AAK1: variants seen among roughly 807,000 people sequenced by gnomAD.
AAK1 encodes the protein AP2-associated protein kinase 1.
A neutral mutation model predicts 116.0 loss-of-function variants in AAK1; 37 were observed. The observed-to-expected ratio is 0.32, with a 90% confidence interval of 0.25 to 0.42. AAK1 has a LOEUF of 0.42. Among genes scored for constraint, AAK1 ranks in the 10% least tolerant of loss-of-function variants. The pLI is 1.00. For synonymous variants in AAK1, 458 were observed against 439.9 expected, an observed-to-expected ratio of 1.04 and a Z score of -0.51; for missense variants, 919 against 1,170.6, an observed-to-expected ratio of 0.79 and a Z score of 3.14.
intron 2 of AAK1, among the ~76,000 whole-genome samples, chr2:69,605,202 C>T (rs61360595): frequency 0.067 from 10,211 of 152,134 alleles, 773 homozygotes; most frequent in East Asian, 0.16. Context: ...GTGTACCTAC[C>T]TTTACTACTA....
chr2:69,539,468 C>T (rs1295669093), intron 5 of AAK1, among the ~76,000 whole-genome samples: 1 of 152,106 alleles, frequency 6.6e-6, no homozygotes, highest in Non-Finnish European at 1.5e-5. Context: ...CGGTGCCCAC[C>T]AGCCACATTT....
chr2:69,569,486 T>A (rs555647062), intron 2 of AAK1, among the ~76,000 whole-genome samples: 3 of 152,274 alleles, frequency 2.0e-5, no homozygotes, highest in African/African-American at 7.2e-5. Context: ...TTTTTGGGGA[T>A]GAGGGTAAAT....
chr2:69,624,129 T>C (rs1469891162), intron 2 of AAK1, among the ~76,000 whole-genome samples: 3 of 152,058 alleles, frequency 2.0e-5, no homozygotes. Context: ...ATACACAAGA[T>C]GGAAGTATAT....
Position 69,467,974 on chromosome 2 carries a change from GAAC to G in AAK1, c.*7892_*7894del. The G allele has an allele frequency of 1.0e-6, 1 of 985,368 alleles. No individual in the cohort carries two copies. The highest frequency in any genetic ancestry group is 1.2e-6 in the Non-Finnish European group (1 of 829,894). 61.0% of individuals were successfully genotyped at this position (985,368 alleles called of 1,614,324 possible). A position where few individuals can be genotyped will look rare whatever the true frequency, so the allele number is the denominator to read the frequency against. On this transcript the variant is annotated 3_prime_UTR_variant, in exon 22 of 22. Coordinates refer to ENST00000409085, the MANE Select transcript of AAK1 (RefSeq NM_014911.5). ...ACCTTAAATATTGTTTTCAGAAACA[GAAC>G]AAAAATGTGTTTGTCCTCCATTTTT...
intron 12 of AAK1, among the ~76,000 whole-genome samples, chr2:69,515,838 C>CAA (rs35966417): frequency 8.9e-5 from 13 of 145,774 alleles, no homozygotes; most frequent in African/African-American, 3.3e-4. Context: ...TAGAAGATGT[C>CAA]AAAAAAAAAA....
chr2:69,524,867 T>C (rs1394983016), intron 10 of AAK1, among the ~76,000 whole-genome samples, 166 bp downstream of exon 10: 2 of 151,996 alleles, frequency 1.3e-5, no homozygotes, highest in African/African-American at 2.4e-5. Context: ...ATATTCCTTT[T>C]TGCATTCCCA....
Position 69,473,991 on chromosome 2 carries a change from G to A in AAK1, c.*1878C>T. 1.0e-6 allele frequency: 1 copy of A among 985,686 alleles called. No homozygotes were observed. The highest frequency in any genetic ancestry group is 1.2e-6 in the Non-Finnish European group (1 of 829,920). 61.1% of individuals were successfully genotyped at this position (985,686 alleles called of 1,614,324 possible). On this transcript the variant is annotated 3_prime_UTR_variant, in exon 22 of 22. Transcript: ENST00000409085. Reference sequence around the variant, plus strand: ...TTGTGCCTCTCTCAGTTTTGGAAATGGTCTGTTATTCAACTAGAGGCCTTT... The same window carrying A: ...TTGTGCCTCTCTCAGTTTTGGAAATAGTCTGTTATTCAACTAGAGGCCTTT...
At chr2:69,508,309 T>C (rs1405930854) in intron 14 of AAK1, among the ~76,000 whole-genome samples, 2 of 152,146 alleles carry the variant, frequency 1.3e-5, no homozygotes, top group Non-Finnish European at 2.9e-5. Context: ...CCAGCATGCA[T>C]AGAGTTAAGG....
Position 69,612,207 on chromosome 2 carries a change from G to A in AAK1, c.163+30671C>T, listed in dbSNP as rs190026778. On this transcript the variant is annotated intron_variant, in intron 2 of 21. Coordinates refer to ENST00000409085, the MANE Select transcript of AAK1 (RefSeq NM_014911.5). Reference sequence around the variant, plus strand: ...GGATTAAAGTATTTCATCTGTTAGAGAGAAAAAAAATAATGTGAATGTACT... The same window carrying A: ...GGATTAAAGTATTTCATCTGTTAGAAAGAAAAAAAATAATGTGAATGTACT... Among the ~76,000 whole-genome samples, 3 of 151,782 alleles carry A rather than the reference G, an allele frequency of 2.0e-5. No individual in the cohort carries two copies. The East Asian group carries it at 5.8e-4, about 29-fold the overall frequency.
chr2:69,496,273 G>GTTTTT (rs1182573863), intron 16 of AAK1, among the ~76,000 whole-genome samples, 193 bp from the exon 17 acceptor site: 1 of 136,644 alleles, frequency 7.3e-6, no homozygotes, highest in Admixed American at 7.5e-5. Flanking sequence ...AATCTGGCCC[G>GTTTTT]TTTTTTTTTT....
At position 69,473,978 on chromosome 2, in the gene AAK1, C is replaced by CA. The variant is rs1674763461; in HGVS notation, c.*1890dup. On this transcript the variant is annotated 3_prime_UTR_variant, in exon 22 of 22. Transcript: ENST00000409085. ...CTCGGCAGGAAGCTTGTGCCTCTCT[C>CA]AGTTTTGGAAATGGTCTGTTATTCA... 1 of 985,712 alleles carries CA rather than the reference C, an allele frequency of 1.0e-6. No homozygotes were observed. The highest frequency in any genetic ancestry group is 4.7e-5 in the South Asian group (1 of 21,282). 61.1% of individuals were successfully genotyped at this position (985,712 alleles called of 1,614,324 possible).
chr2:69,484,258 G>C (rs1164233627), intron 17 of AAK1, among the ~76,000 whole-genome samples: 1 of 152,130 alleles, frequency 6.6e-6, no homozygotes, highest in Non-Finnish European at 1.5e-5. Context: ...GATATTCATG[G>C]AAAAACAGGA....
intron 2 of AAK1, among the ~76,000 whole-genome samples, chr2:69,637,294 A>G (rs1018337321): frequency 2.0e-5 from 3 of 152,100 alleles, no homozygotes; most frequent in African/African-American, 4.8e-5. Context: ...TCTGTTCCCC[A>G]GCTCTTTTAC....
chr2:69,465,815 C>T lies in AAK1; in HGVS notation c.*10054G>A, dbSNP rs1433668854. The T allele has an allele frequency of 7.7e-7, 1 of 1,290,816 alleles. No individual in the cohort carries two copies. The highest frequency in any genetic ancestry group is 1.5e-5 in the African/African-American group (1 of 65,918). The allele number at this position is 1,290,816 out of a possible 1,614,324, so 80.0% of individuals were successfully genotyped here. On this transcript the variant is annotated 3_prime_UTR_variant, in exon 22 of 22. Coordinates refer to ENST00000409085, the MANE Select transcript of AAK1 (RefSeq NM_014911.5). ...AATGGGACAGGAGGTTAGACTGTTG[C>T]ACAAAACCAGCTGTGGAATACTGAG... is the stretch of plus-strand genomic sequence containing the variant.
intron 18 of AAK1, 81 bp downstream of exon 18, chr2:69,482,630 A>T: frequency 8.7e-7 from 1 of 1,143,902 alleles, no homozygotes; most frequent in South Asian, 1.3e-5. Flanking sequence ...TTCCCCAGGG[A>T]TTGGTTAACT....
At chr2:69,505,141 A>C (rs892292088) in intron 16 of AAK1, among the ~76,000 whole-genome samples, 6 of 152,102 alleles carry the variant, frequency 3.9e-5, no homozygotes, top group South Asian at 2.1e-4. Context: ...ACACCCACAC[A>C]CACACACACA....
At chr2:69,627,757 A>G (rs2105251677) in intron 2 of AAK1, among the ~76,000 whole-genome samples, 1 of 152,176 alleles carries the variant, frequency 6.6e-6, no homozygotes, top group African/African-American at 2.4e-5. Context: ...TTTCATTCCT[A>G]TCTTGTGGTT....
intron 1 of AAK1, 30 bp from the exon 2 acceptor site, chr2:69,643,304 G>A: frequency 7.4e-7 from 1 of 1,358,506 alleles, no homozygotes; most frequent in East Asian, 2.8e-5. Context: ...AAGAGAGGAT[G>A]AATCAGTAAC....
chr2:69,541,353 C>T (rs1196939482), intron 5 of AAK1, among the ~76,000 whole-genome samples: 1 of 151,592 alleles, frequency 6.6e-6, no homozygotes, highest in Non-Finnish European at 1.5e-5. Context: ...GCCTCCGCCT[C>T]CTGAGTACCT....
Sources: allele counts gnomAD v4.1 joint callset (sites outside exome capture counted in the v4.1 genomes callset), GRCh38; gene constraint gnomAD v4.1.1; transcripts MANE v1.5; gene names NCBI Gene and HGNC (gene_info 2026-07-23, HGNC 2026-07-21).